Variants in SEPSECS observed in about 807,000 individuals in gnomAD.
SEPSECS encodes Sep (O-phosphoserine) tRNA:Sec (selenocysteine) tRNA synthase, also known as O-phosphoseryl-tRNA(Sec) selenium transferase.
Under a neutral mutation model 52.1 loss-of-function variants are expected in SEPSECS, and 42 were observed. The ratio of observed to expected loss-of-function variants is 0.81; its 90% confidence interval spans 0.63 to 1.04. The LOEUF (loss-of-function observed/expected upper bound fraction) is 1.04, where lower values mean the gene tolerates loss of function less well. Among genes scored for constraint, SEPSECS ranks in the 50% least tolerant of loss-of-function variants. SEPSECS has a pLI of 0.00. For synonymous variants in SEPSECS, 216 were observed against 211.4 expected, an observed-to-expected ratio of 1.02 and a Z score of -0.19; for missense variants, 590 against 610.6, an observed-to-expected ratio of 0.97 and a Z score of 0.36.
chr4:25,133,302 G>A (rs1054850863), intron 8 of SEPSECS, among the ~76,000 whole-genome samples: 2 of 152,184 alleles, frequency 1.3e-5, no homozygotes, highest in Non-Finnish European at 2.9e-5. Context: ...TACAAAGAGA[G>A]TTACCTCCTG....
chr4:25,156,349 C>G (rs1383908148), intron 3 of SEPSECS, among the ~76,000 whole-genome samples, 154 bp from the exon 4 acceptor site: 1 of 152,016 alleles, frequency 6.6e-6, no homozygotes, highest in African/African-American at 2.4e-5. Flanking sequence ...ATGCCAAATT[C>G]AACTTCAGGG....
Position 25,123,886 on chromosome 4 carries a change from G to C in SEPSECS, c.*45C>G. ...CTTTAAACTGCTTGCTTGTACTACA[G>C]CCTTATCATTTCTTTCAAATGATCA... On this transcript the variant is annotated 3_prime_UTR_variant, in exon 11 of 11. Coordinates refer to ENST00000382103, the MANE Select transcript of SEPSECS (RefSeq NM_016955.4). 5.3e-6 allele frequency: 8 copies of C among 1,495,746 alleles called. No individual in the cohort carries two copies. The highest frequency in any genetic ancestry group is 7.5e-6 in the Non-Finnish European group (8 of 1,073,522). The allele number at this position is 1,495,746 out of a possible 1,614,324, so 92.7% of individuals were successfully genotyped here. A position where few individuals can be genotyped will look rare whatever the true frequency, so the allele number is the denominator to read the frequency against.
At chr4:25,141,614 C>T (rs1306861188) in intron 8 of SEPSECS, among the ~76,000 whole-genome samples, 6 of 152,174 alleles carry the variant, frequency 3.9e-5, no homozygotes, top group Admixed American at 6.5e-5. Context: ...CTATAGAAGG[C>T]TCCTAACAGG....
rs1007618786 is a variant in SEPSECS, at chr4:25,128,726, C to T, written c.1027-1369G>A. Among the ~76,000 whole-genome samples the T allele has an allele frequency of 2.0e-5, 3 of 151,950 alleles. No homozygotes were observed. The East Asian group carries it at 5.8e-4, about 29-fold the overall frequency. ...CTGCAGCTAAACAAACCCATTTGCA[C>T]TGAGCTCCTCTAATCACAGAAAAAA... On this transcript the variant is annotated intron_variant, in intron 8 of 10. Transcript: ENST00000382103.
intron 5 of SEPSECS, among the ~76,000 whole-genome samples, chr4:25,153,009 ATATTTT>A (rs1407119724): frequency 1.2e-4 from 18 of 151,970 alleles, no homozygotes; most frequent in Non-Finnish European, 2.1e-4. Context: ...TGTCATTAAT[ATATTTT>A]TAACTGTAAG....
At chr4:25,133,436 A>C (rs1728691815) in intron 8 of SEPSECS, among the ~76,000 whole-genome samples, 2 of 152,218 alleles carry the variant, frequency 1.3e-5, no homozygotes, top group African/African-American at 2.4e-5. Flanking sequence ...TGCTGGATTC[A>C]TTTACTAGCT....
rs77226826 is a variant in SEPSECS at position 25,160,325 on chromosome 4, C to T, written c.45G>A (p.Pro15=). The T allele has an allele frequency of 1.2e-4, 179 of 1,548,806 alleles. No individual in the cohort carries two copies. The East Asian group carries it at 3.3e-3, about 29-fold the overall frequency. Residue 15 remains proline (P), a synonymous_variant, in exon 1 of 11, where the codon CCG becomes CCA. Transcript: ENST00000382103. The part of the protein sequence containing the change: ...SFAAGERLVS[P]AYVRQGCEAR... ...CCTCACAGCCCTGCCGCACGTAAGC[C>T]GGCGACACCAGCCGCTCTCCCGCCG...
At position 25,121,560 on chromosome 4, in the gene SEPSECS, T is replaced by C. The variant is rs1364573036; in HGVS notation, c.*2371A>G. The stretch of plus-strand genomic sequence containing the variant: ...ATAAATACATCCTTTTTAATACTTA[T>C]GTGTAGAAATGGGAGTGAGTGAAAA... On this transcript the variant is annotated 3_prime_UTR_variant, in exon 11 of 11. Coordinates refer to ENST00000382103, the MANE Select transcript of SEPSECS (RefSeq NM_016955.4). 1.3e-5 allele frequency: 2 copies of C among 152,140 alleles called. No individual in the cohort carries two copies. The highest frequency in any genetic ancestry group is 2.4e-5 in the African/African-American group (1 of 41,442). The allele number at this position is 152,140 out of a possible 1,614,324, so 9.4% of individuals were successfully genotyped here. A position where few individuals can be genotyped will look rare whatever the true frequency, so the allele number is the denominator to read the frequency against.
At chr4:25,133,286 G>C (rs1728686763) in intron 8 of SEPSECS, among the ~76,000 whole-genome samples, 1 of 152,120 alleles carries the variant, frequency 6.6e-6, no homozygotes, top group Non-Finnish European at 1.5e-5. Flanking sequence ...ACAAAGTTCT[G>C]AATGTTACAA....
intron 6 of SEPSECS, among the ~76,000 whole-genome samples, chr4:25,148,418 G>A (rs999109299): frequency 6.7e-6 from 1 of 150,254 alleles, no homozygotes; most frequent in African/African-American, 2.5e-5. Flanking sequence ...TGTAGTAAAT[G>A]GTATATATTA....
At chr4:25,126,701 C>G (rs1685666570) in intron 9 of SEPSECS, among the ~76,000 whole-genome samples, 2 of 152,106 alleles carry the variant, frequency 1.3e-5, no homozygotes, top group South Asian at 4.2e-4. Flanking sequence ...ATCATAAATA[C>G]AAATTTCTCT....
chr4:25,124,322 C>T (rs1728271057), intron 10 of SEPSECS, 97 bp from the exon 11 acceptor site: 3 of 1,182,662 alleles, frequency 2.5e-6, no homozygotes, highest in Non-Finnish European at 3.6e-6. Context: ...CTTACATCCA[C>T]TTATTACGAA....
intron 8 of SEPSECS, among the ~76,000 whole-genome samples, chr4:25,142,438 T>C (rs1017926395): frequency 6.6e-5 from 10 of 152,252 alleles, no homozygotes; most frequent in Non-Finnish European, 1.3e-4. Flanking sequence ...TTATGTTGCC[T>C]GTTTATTGCT....
intron 8 of SEPSECS, among the ~76,000 whole-genome samples, chr4:25,138,478 TAAATA>T (rs1560326936): frequency 2.0e-5 from 3 of 150,134 alleles, no homozygotes; most frequent in Non-Finnish European, 4.4e-5. Context: ...ATTAAATAAA[TAAATA>T]AAATAAATTT....
At chr4:25,131,930 G>A (rs1319466936) in intron 8 of SEPSECS, among the ~76,000 whole-genome samples, 2 of 152,212 alleles carry the variant, frequency 1.3e-5, no homozygotes, top group African/African-American at 4.8e-5. Flanking sequence ...AAACTTCTAA[G>A]ACCATAGACT....
chr4:25,157,105 A>C (rs1424751267), intron 2 of SEPSECS, 131 bp from the exon 3 acceptor site: 3 of 713,546 alleles, frequency 4.2e-6, no homozygotes, highest in Non-Finnish European at 7.8e-6. Context: ...TATATGTCAC[A>C]AACTATTAAT....
chr4:25,156,802 GGTGT>G, intron 3 of SEPSECS, 50 bp downstream of exon 3: 2 of 848,898 alleles, frequency 2.4e-6, no homozygotes, highest in Non-Finnish European at 4.1e-6. Context: ...ATGAGTCAGT[GGTGT>G]GTGTGTGTGT....
At chr4:25,159,564 G>A (rs1366869069) in intron 1 of SEPSECS, 1 of 420,652 alleles carries the variant, frequency 2.4e-6, no homozygotes. Context: ...TTGAAGTCAG[G>A]AGTTTGAGAT....
At chr4:25,145,171 A>T in intron 6 of SEPSECS, 38 bp from the exon 7 acceptor site, 2 of 1,608,842 alleles carry the variant, frequency 1.2e-6, no homozygotes, top group Non-Finnish European at 1.7e-6. Context: ...GTTGCTAGGA[A>T]AACAGACAAC....
Sources: allele counts gnomAD v4.1 joint callset (sites outside exome capture counted in the v4.1 genomes callset), GRCh38; gene constraint gnomAD v4.1.1; transcripts MANE v1.5; gene names NCBI Gene and HGNC (gene_info 2026-07-23, HGNC 2026-07-21).